EDIL3: variants seen among roughly 807,000 people sequenced by gnomAD.
The protein encoded by EDIL3 is EGF like and discoidin domains 3.
In EDIL3, 37 loss-of-function variants were observed where a neutral mutation model predicts 67.4. That is an observed-to-expected ratio of 0.55 (90% CI 0.42 to 0.72). The LOEUF is 0.72. Ranked by LOEUF, EDIL3 falls within the 30% of genes least tolerant of loss-of-function variation. EDIL3 has a pLI of 0.00. For missense variants in EDIL3, 527 were observed against 586.3 expected (o/e 0.90, Z 1.04); for synonymous variants, 195 against 196.3 (o/e 0.99, Z 0.05).
chr5:83,969,721 A>C (rs1002430119), intron 9 of EDIL3, among the ~76,000 whole-genome samples: 1 of 151,816 alleles, frequency 6.6e-6, no homozygotes. Flanking sequence ...TTTACACACC[A>C]ATCCCATTTT....
chr5:84,224,441 TTA>T (rs1458312197), intron 3 of EDIL3, among the ~76,000 whole-genome samples: 7 of 151,532 alleles, frequency 4.6e-5, no homozygotes, highest in South Asian at 2.1e-4. Flanking sequence ...ATATTCAAAT[TTA>T]TATGTCTTTT....
intron 9 of EDIL3, among the ~76,000 whole-genome samples, chr5:83,967,727 C>T (rs1193425168): frequency 6.6e-6 from 1 of 152,064 alleles, no homozygotes; most frequent in Non-Finnish European, 1.5e-5. Flanking sequence ...GATCACAGCT[C>T]CCTGGAAGAA....
intron 1 of EDIL3, among the ~76,000 whole-genome samples, chr5:84,299,501 A>G (rs113402602): frequency 7.9e-5 from 12 of 152,060 alleles, no homozygotes; most frequent in African/African-American, 2.9e-4. Flanking sequence ...CAGCAGTTCT[A>G]CCTCCTTAAA....
chr5:84,010,556 G>C (rs1745499955), intron 9 of EDIL3, among the ~76,000 whole-genome samples: 1 of 151,908 alleles, frequency 6.6e-6, no homozygotes, highest in Non-Finnish European at 1.5e-5. Context: ...ATAAATGTAA[G>C]GTACAGTTTC....
chr5:84,122,334 C>T (rs926438411), intron 5 of EDIL3, among the ~76,000 whole-genome samples: 2 of 151,870 alleles, frequency 1.3e-5, no homozygotes, highest in African/African-American at 4.8e-5. Flanking sequence ...GGCATTTTGG[C>T]CTTAAAACAA....
chr5:84,150,432 T>A (rs1748369486), intron 4 of EDIL3, among the ~76,000 whole-genome samples: 1 of 152,090 alleles, frequency 6.6e-6, no homozygotes, highest in Non-Finnish European at 1.5e-5. Flanking sequence ...ACAACTCTCA[T>A]AACTCAACAA....
chr5:84,370,140 T>C (rs950562886), intron 1 of EDIL3, among the ~76,000 whole-genome samples: 2 of 152,218 alleles, frequency 1.3e-5, no homozygotes, highest in African/African-American at 4.8e-5. Flanking sequence ...GATTTAGAAG[T>C]GGAAATCACA....
Position 83,943,464 on chromosome 5 carries a change from C to T in EDIL3, c.1398G>A (p.Arg466=). The T allele has an allele frequency of 6.2e-7, 1 of 1,612,834 alleles. No individual in the cohort carries two copies. The highest frequency in any genetic ancestry group is 2.2e-5 in the East Asian group (1 of 44,720). Residue 466 remains arginine (R), a synonymous_variant, in exon 11 of 11, where the codon AGG becomes AGA. Coordinates refer to ENST00000296591, the MANE Select transcript of EDIL3 (RefSeq NM_005711.5). Reference sequence around the variant, plus strand: ...CCAGCAGCTCTGACCGCAATGTGATCCTCCCGTACCAGGACCAAGGAAGGA... The same window carrying T: ...CCAGCAGCTCTGACCGCAATGTGATTCTCCCGTACCAGGACCAAGGAAGGA... ...IRILPWSWYG[R]ITLRSELLGC... is the part of the protein sequence containing the mutation.
chr5:84,039,093 A>G (rs924242756), intron 9 of EDIL3, among the ~76,000 whole-genome samples: 1 of 148,878 alleles, frequency 6.7e-6, no homozygotes, highest in Non-Finnish European at 1.5e-5. Context: ...TTTGAGTTCA[A>G]ATCCTAAAGA....
intron 1 of EDIL3, among the ~76,000 whole-genome samples, chr5:84,337,419 A>T (rs1397537340): frequency 1.3e-5 from 2 of 152,178 alleles, no homozygotes; most frequent in East Asian, 3.8e-4. Context: ...CTCTGTTACA[A>T]ATGGTAGTTA....
Position 84,132,500 on chromosome 5 carries a change from T to A in EDIL3, c.469+4741A>T, listed in dbSNP as rs181098404. ...TATATTTTAATATATATTATATATT[T>A]TATATATAATATATATTTTAATATA... On this transcript the variant is annotated intron_variant, in intron 5 of 10. Transcript: ENST00000296591. 4.5e-3 allele frequency among the ~76,000 whole-genome samples: 502 copies of A among 111,930 alleles called. 35 individuals carry two copies. The highest frequency in any genetic ancestry group is 0.019 in the African/African-American group (481 of 25,704). The allele number at this position is 111,930 out of a possible 152,430, so 73.4% of individuals were successfully genotyped here.
At position 84,254,157 on chromosome 5, in the gene EDIL3, C is replaced by T. The variant is rs1391574684; in HGVS notation, c.123G>A (p.Leu41=). 6.2e-7 allele frequency: 1 copy of T among 1,612,766 alleles called. No individual in the cohort carries two copies. The highest frequency in any genetic ancestry group is 1.7e-5 in the Admixed American group (1 of 59,856). Residue 41 remains leucine, a synonymous_variant, in exon 2 of 11, where the codon TTG becomes TTA. Transcript: ENST00000296591. ...CENGGICLPG[L]ADGSFSCECP... is the part of the protein sequence containing the mutation. ...ACTCACAGGAAAAGGAACCATCAGCCAATCCTGGCAAACAGATACCTCCAT... is the reference window on the plus strand; with the variant it reads ...ACTCACAGGAAAAGGAACCATCAGCTAATCCTGGCAAACAGATACCTCCAT...
At chr5:84,114,858 T>C (rs182268270) in intron 5 of EDIL3, among the ~76,000 whole-genome samples, 51 of 152,328 alleles carry the variant, frequency 3.3e-4, no homozygotes, top group Middle Eastern at 3.4e-3. Flanking sequence ...ATTTTCCATA[T>C]TGAAAGCTCA....
chr5:84,239,719 T>A (rs1360879675), intron 2 of EDIL3, among the ~76,000 whole-genome samples: 1 of 152,154 alleles, frequency 6.6e-6, no homozygotes, highest in African/African-American at 2.4e-5. Flanking sequence ...ATGTCAAAGG[T>A]ATCTTTGCAA....
chr5:84,287,695 A>T (rs1745835332), intron 1 of EDIL3, among the ~76,000 whole-genome samples: 2 of 152,148 alleles, frequency 1.3e-5, no homozygotes. Flanking sequence ...CAAATGTCAA[A>T]TCTTAGTCAT....
chr5:84,212,169 G>T (rs1744134901), intron 3 of EDIL3, among the ~76,000 whole-genome samples: 1 of 151,980 alleles, frequency 6.6e-6, no homozygotes, highest in African/African-American at 2.4e-5. Flanking sequence ...CTTCAGCATT[G>T]CTGGAAATGC....
chr5:84,288,118 T>C (rs997014010), intron 1 of EDIL3, among the ~76,000 whole-genome samples: 3 of 152,312 alleles, frequency 2.0e-5, no homozygotes, highest in South Asian at 2.1e-4. Context: ...TCCCGTTGTC[T>C]TTCTCATCTC....
At chr5:84,109,016 C>T (rs1243883791) in intron 5 of EDIL3, among the ~76,000 whole-genome samples, 1 of 150,342 alleles carries the variant, frequency 6.7e-6, no homozygotes, top group Non-Finnish European at 1.5e-5. Flanking sequence ...TCCTATAATT[C>T]TACTTCATTG....
chr5:84,338,543 A>G (rs1383386357), intron 1 of EDIL3, among the ~76,000 whole-genome samples: 2 of 152,136 alleles, frequency 1.3e-5, no homozygotes, highest in Non-Finnish European at 2.9e-5. Context: ...ATGGACCAAA[A>G]GGGTGGAAAT....
Sources: allele counts gnomAD v4.1 joint callset (sites outside exome capture counted in the v4.1 genomes callset), GRCh38; gene constraint gnomAD v4.1.1; transcripts MANE v1.5; gene names NCBI Gene and HGNC (gene_info 2026-07-23, HGNC 2026-07-21).